The following PFKM variants were observed in gnomAD, a reference collection of about 807,000 sequenced individuals.
PFKM encodes phosphofructokinase, muscle, also known as ATP-dependent 6-phosphofructokinase, muscle type.
A neutral mutation model predicts 95.5 loss-of-function variants in PFKM; 58 were observed. The ratio of observed to expected loss-of-function variants is 0.61; its 90% CI spans 0.49 to 0.76. PFKM has a LOEUF of 0.76. Ranked by LOEUF, PFKM falls within the 30% of genes least tolerant of loss-of-function variation. PFKM has a pLI of 0.00. For missense variants in PFKM, 678 were observed against 1,005.4 expected (o/e 0.67, Z 4.40); for synonymous variants, 336 against 357.2 (o/e 0.94, Z 0.67).
intron 10 of PFKM, among the ~76,000 whole-genome samples, chr12:48,135,822 A>T (rs1377775882): frequency 6.6e-6 from 1 of 152,136 alleles, no homozygotes; most frequent in African/African-American, 2.4e-5. Context: ...CTGTTACCAC[A>T]GGATATCTCA....
At chr12:48,143,527 C>G (rs1181739734) in intron 18 of PFKM, among the ~76,000 whole-genome samples, 3 of 152,220 alleles carry the variant, frequency 2.0e-5, no homozygotes, top group Non-Finnish European at 4.4e-5. Flanking sequence ...GTTACTGCAG[C>G]TGTCTGTAGT....
intron 2 of PFKM, among the ~76,000 whole-genome samples, chr12:48,123,729 G>A (rs1246485640): frequency 6.6e-6 from 1 of 152,148 alleles, no homozygotes; most frequent in African/African-American, 2.4e-5. Flanking sequence ...ACTTTGTATA[G>A]AGCCCTGTCT....
chr12:48,138,497 C>G (rs934381479), intron 11 of PFKM, among the ~76,000 whole-genome samples: 1 of 152,190 alleles, frequency 6.6e-6, no homozygotes. Context: ...GCCTCCTTCT[C>G]TCTGAGACTC....
chr12:48,130,471 T>C (rs375778366), intron 3 of PFKM, 35 bp downstream of exon 3: 6 of 1,467,266 alleles, frequency 4.1e-6, no homozygotes, highest in East Asian at 2.3e-5. Context: ...TCATTCTTTC[T>C]CTGTCTTCTT....
chr12:48,134,697 G>C (rs753794815), intron 7 of PFKM, 24 bp from the exon 8 acceptor site: 1 of 1,492,556 alleles, frequency 6.7e-7, no homozygotes. Context: ...ACTTCTAGCA[G>C]GATGCTTCTG....
rs1271135401 is a variant in PFKM, at chr12:48,137,865, C to T, written c.1062+19C>T. 2.5e-6 allele frequency: 4 copies of T among 1,613,834 alleles called. No individual in the cohort carries two copies. The African/African-American group carries it at 4.0e-5, about 16-fold the overall frequency. ...CCAGGTGGTAAGTACTGATCCTAAA[C>T]CCCTTTCTTAACACTCTCAAGCCCC... On this transcript the variant is annotated intron_variant, in intron 11 of 22. Transcript: ENST00000359794.
chr12:48,136,882 T>G (rs1433903851), intron 10 of PFKM, among the ~76,000 whole-genome samples: 1 of 151,550 alleles, frequency 6.6e-6, no homozygotes, highest in African/African-American at 2.4e-5. Flanking sequence ...GCCTCCTGAG[T>G]AGCTGGGATT....
rs775783131 is a variant in PFKM, at chr12:48,105,956, G to C, written c.-191G>C. 1.9e-5 allele frequency: 13 copies of C among 694,192 alleles called. No homozygotes were observed. In the East Asian group the frequency reaches 2.7e-4, roughly 14 times the overall value. The allele number at this position is 694,192 out of a possible 1,614,324, so 43.0% of individuals were successfully genotyped here. On this transcript the variant is annotated 5_prime_UTR_variant, in exon 1 of 25. Coordinates refer to the PFKM transcript ENST00000340802. ...CCAGTCCAGCCCGGGCCGGCTGACC[G>C]GGTCCGACACAGTCTCCTGGACCAG... is the stretch of plus-strand genomic sequence containing the variant.
chr12:48,110,293 G>A lies in PFKM; in HGVS notation c.205+2099G>A, dbSNP rs959421873. ...CGGGAGAGTGAACTGTACAGGTGGT[G>A]TAAGAGCCAGATTGTGCAGTGCCTT... On this transcript the variant is annotated intron_variant, in intron 3 of 24. Transcript: ENST00000340802. Among the ~76,000 whole-genome samples the A allele has an allele frequency of 2.6e-5, 4 of 152,202 alleles. 1 individual carries two copies. In the East Asian group the frequency reaches 7.7e-4, roughly 29 times the overall value.
rs562155917 is a variant in PFKM, at chr12:48,145,793, GT to G, written c.*92del. On this transcript the variant is annotated 3_prime_UTR_variant, in exon 23 of 23. Transcript: ENST00000359794. This position sits in a 1 kb window ranked among gnomAD's most constrained non-coding sequence, Gnocchi z 4.3. Reference sequence around the variant, plus strand: ...TCCACATCTTCTCAGTGTTTTAGCTGTTTTTTTCATTAGGTTTCCTTTTATT... The same window carrying G: ...TCCACATCTTCTCAGTGTTTTAGCTGTTTTTTCATTAGGTTTCCTTTTATT... 110 of 1,455,656 alleles carry G rather than the reference GT, an allele frequency of 7.6e-5. No individual in the cohort carries two copies. The African/African-American group carries it at 1.4e-3, about 19-fold the overall frequency. The allele number at this position is 1,455,656 out of a possible 1,614,324, so 90.2% of individuals were successfully genotyped here. A position where few individuals can be genotyped will look rare whatever the true frequency, so the allele number is the denominator to read the frequency against.
intron 14 of PFKM, among the ~76,000 whole-genome samples, 159 bp from the exon 15 acceptor site, chr12:48,141,152 A>G (rs1372773244): frequency 6.6e-6 from 1 of 152,214 alleles, no homozygotes; most frequent in Non-Finnish European, 1.5e-5. Context: ...CAGTAAGGGT[A>G]GAAGAAGTTG....
chr12:48,131,654 G>A (rs989061479), intron 4 of PFKM: 3 of 507,654 alleles, frequency 5.9e-6, no homozygotes, highest in Non-Finnish European at 1.1e-5. Flanking sequence ...TATGGGGACT[G>A]ACACATAAGC....
chr12:48,128,824 C>T (rs1949117885), intron 2 of PFKM, among the ~76,000 whole-genome samples: 1 of 152,094 alleles, frequency 6.6e-6, no homozygotes, highest in South Asian at 2.1e-4. Context: ...TAGATTAAAA[C>T]AAAAATATGT....
chr12:48,140,111 C>T (rs566163140), intron 13 of PFKM, among the ~76,000 whole-genome samples, 199 bp downstream of exon 13: 8 of 152,136 alleles, frequency 5.3e-5, no homozygotes, highest in Admixed American at 2.6e-4. Context: ...TCTTAGTGTA[C>T]CCTGGATATC....
At chr12:48,136,106 C>T (rs1017352788) in intron 10 of PFKM, among the ~76,000 whole-genome samples, 2 of 152,162 alleles carry the variant, frequency 1.3e-5, no homozygotes, top group African/African-American at 4.8e-5. Flanking sequence ...CCAGGATGGT[C>T]TTGATCTCCT....
rs554304173 is a variant in PFKM at position 48,142,169 on chromosome 12, G to C, written c.1653+103G>C. On this transcript the variant is annotated intron_variant, in intron 17 of 22. Coordinates refer to ENST00000359794, the MANE Select transcript of PFKM (RefSeq NM_000289.6). Reference sequence around the variant, plus strand: ...GCTACTCTTTATATCAAGCAAATGGGAATGTTTGAAAATGATTCTTCAGCT... The same window carrying C: ...GCTACTCTTTATATCAAGCAAATGGCAATGTTTGAAAATGATTCTTCAGCT... 6 of 1,178,760 alleles carry C rather than the reference G, an allele frequency of 5.1e-6. No homozygotes were observed. In the South Asian group the frequency reaches 7.4e-5, roughly 14 times the overall value. 73.0% of individuals were successfully genotyped at this position (1,178,760 alleles called of 1,614,324 possible).
chr12:48,125,168 T>C (rs1948699044), intron 2 of PFKM, among the ~76,000 whole-genome samples: 1 of 152,204 alleles, frequency 6.6e-6, no homozygotes. Flanking sequence ...AGCCTAGGAA[T>C]GGCTTCAGCC....
rs542590145 is a variant in PFKM at position 48,135,121 on chromosome 12, C to T, written c.843+83C>T. On this transcript the variant is annotated intron_variant, in intron 9 of 22. Transcript: ENST00000359794. Reference sequence around the variant, plus strand: ...TCTGAGTCTCCTGACATTGCTTCTCCCCTTGGTCCTTCTGCACATCTCTCC... The same window carrying T: ...TCTGAGTCTCCTGACATTGCTTCTCTCCTTGGTCCTTCTGCACATCTCTCC... 3 of 1,190,560 alleles carry T rather than the reference C, an allele frequency of 2.5e-6. No individual in the cohort carries two copies. In the Admixed American group the frequency reaches 5.4e-5, roughly 21 times the overall value. 73.7% of individuals were successfully genotyped at this position (1,190,560 alleles called of 1,614,324 possible).
In PFKM at chr12:48,134,228, G is replaced by A. The variant is rs774807994; in HGVS notation, c.594-4G>A. 3 of 1,613,668 alleles carry A rather than the reference G, an allele frequency of 1.9e-6. No homozygotes were observed. Among genetic ancestry groups the A allele is most frequent in the Non-Finnish European group, 2.5e-6 (3 of 1,179,568 alleles). On this transcript the variant is annotated splice_region_variant and splice_polypyrimidine_tract_variant and intron_variant, in intron 6 of 22. Transcript: ENST00000359794. ...GGACTGTGTCATATGTCTATCTCTTGCAGCCACCAGAGGACATTTGTGTTA... is the reference window on the plus strand; with the variant it reads ...GGACTGTGTCATATGTCTATCTCTTACAGCCACCAGAGGACATTTGTGTTA...
Sources: gnomAD v4.1 joint callset for allele counts (sites outside exome capture counted in the v4.1 genomes callset) on GRCh38, gnomAD v4.1.1 for gene constraint, Gnocchi (gnomAD v3.1) non-coding constraint, MANE v1.5 for transcripts, NCBI Gene and HGNC (gene_info 2026-07-23, HGNC 2026-07-21) for gene names.